The following PDK1 variants were observed in gnomAD, a reference collection of about 807,000 sequenced individuals.
PDK1 encodes pyruvate dehydrogenase kinase 1, also known as [Pyruvate dehydrogenase (acetyl-transferring)] kinase isozyme 1, mitochondrial.
Under a neutral mutation model 54.2 loss-of-function variants are expected in PDK1, and 39 were observed. That is an observed-to-expected ratio of 0.72 (90% CI 0.56 to 0.94). The LOEUF is 0.94. Ranked by LOEUF, PDK1 falls within the 40% of genes least tolerant of loss-of-function variation. The pLI is 0.00. For synonymous variants in PDK1, 221 were observed against 207.1 expected (o/e 1.07, Z -0.58); for missense variants, 552 against 566.0 (o/e 0.98, Z 0.25).
the PDK1 span, among the ~76,000 whole-genome samples, chr2:172,620,999 G>A: frequency 3.9e-5 from 6 of 152,158 alleles, no homozygotes; most frequent in Non-Finnish European, 7.3e-5. Context: ...GAACATGTCG[G>A]CTGGGCACGG....
chr2:172,696,185 A>AG, the PDK1 span, among the ~76,000 whole-genome samples: 4 of 151,356 alleles, frequency 2.6e-5, no homozygotes, highest in East Asian at 1.9e-4. Flanking sequence ...AAAAAAAAAA[A>AG]AAAGAAAAAA....
chr2:172,571,823 CTTTTT>C (rs36031428), intron 8 of PDK1, among the ~76,000 whole-genome samples: 3 of 99,798 alleles, frequency 3.0e-5, no homozygotes, highest in Non-Finnish European at 4.1e-5. Flanking sequence ...TCTTTCTTTA[CTTTTT>C]TTTTTTTTTT....
At chr2:172,687,867 T>G in the PDK1 span, among the ~76,000 whole-genome samples, 7 of 152,220 alleles carry the variant, frequency 4.6e-5, no homozygotes, top group Non-Finnish European at 1.0e-4. Flanking sequence ...TCTTGCCTGC[T>G]GCCCACTGAA....
At chr2:172,683,554 A>G in the PDK1 span, among the ~76,000 whole-genome samples, 2 of 152,128 alleles carry the variant, frequency 1.3e-5, no homozygotes, top group Admixed American at 1.3e-4. Flanking sequence ...TGAGATGTTA[A>G]TTCATCTCCA....
intron 1 of PDK1, among the ~76,000 whole-genome samples, chr2:172,557,986 C>T (rs899278922): frequency 2.0e-5 from 3 of 151,370 alleles, no homozygotes; most frequent in Non-Finnish European, 2.9e-5. Context: ...CAAGCACCAC[C>T]ACGCCCGGCT....
In PDK1 at chr2:172,565,016, C is replaced by T. The variant is rs765375518; in HGVS notation, c.634C>T (p.His212Tyr). Residue 212 changes from histidine to tyrosine, a missense_variant, in exon 5 of 11, where the codon CAT becomes TAT. By Grantham distance (83) the His-to-Tyr change is moderately conservative. Coordinates refer to ENST00000282077, the MANE Select transcript of PDK1 (RefSeq NM_002610.5). ...TGGAAAAGGCAAAGGAAGTCCATCT[C>T]ATCGAAAACACATTGGAAGCATAAA... ...FGGKGKGSPSHRKHIGSINPN... is the reference protein window; with the variant it reads ...FGGKGKGSPSYRKHIGSINPN... The T allele has an allele frequency of 1.2e-6, 2 of 1,612,980 alleles. No individual in the cohort carries two copies. Among genetic ancestry groups the T allele is most frequent in the Non-Finnish European group, 1.7e-6 (2 of 1,179,146 alleles).
At chr2:172,694,668 G>A in the PDK1 span, among the ~76,000 whole-genome samples, 18 of 152,312 alleles carry the variant, frequency 1.2e-4, no homozygotes, top group East Asian at 1.9e-4. Flanking sequence ...ACCTTGCACC[G>A]TGAACTGCAG....
the PDK1 span, among the ~76,000 whole-genome samples, chr2:172,634,772 CAAAAA>C: frequency 1.5e-5 from 2 of 129,746 alleles, no homozygotes; most frequent in African/African-American, 2.9e-5. Flanking sequence ...TCTTAAAATG[CAAAAA>C]AAAAAAAAAA....
intron 3 of PDK1, chr2:172,562,710 G>A: frequency 8.4e-7 from 1 of 1,190,162 alleles, no homozygotes; most frequent in Non-Finnish European, 1.3e-6. Context: ...TGAAAGATTG[G>A]TAACTAATTA....
At chr2:172,650,429 C>T in the PDK1 span, among the ~76,000 whole-genome samples, 34 of 152,272 alleles carry the variant, frequency 2.2e-4, 1 homozygote, top group African/African-American at 7.7e-4. Flanking sequence ...CATCAACTAA[C>T]GAGCAAAATA....
At chr2:172,626,023 A>G in the PDK1 span, among the ~76,000 whole-genome samples, 1 of 152,226 alleles carries the variant, frequency 6.6e-6, no homozygotes, top group Non-Finnish European at 1.5e-5. Context: ...GAAATCTTTC[A>G]AAATCTTTCA....
chr2:172,580,077 A>AT (rs34421752), intron 8 of PDK1, among the ~76,000 whole-genome samples: 52,117 of 150,564 alleles, frequency 0.35, 11,243 homozygotes, highest in East Asian at 0.77. Flanking sequence ...TAAGGATATT[A>AT]TTTTTTTTTA....
chr2:172,564,657 A>T lies in PDK1; in HGVS notation c.565A>T (p.Ile189Phe). Residue 189 changes from isoleucine (I) to phenylalanine (F), a missense_variant, in exon 4 of 11, where the codon ATT becomes TTT. Ile to Phe is a conservative substitution (Grantham distance 21). Coordinates refer to ENST00000282077, the MANE Select transcript of PDK1 (RefSeq NM_002610.5). ...YFLDRFYMSR[I>F]SIRMLLNQHS... is the part of the protein sequence containing the mutation. ...TTTGGATCGATTCTACATGAGTCGC[A>T]TTTCAATTAGAATGTTACTCAATCA... 1 of 1,614,132 alleles carries T rather than the reference A, an allele frequency of 6.2e-7. No individual in the cohort carries two copies. Among genetic ancestry groups the T allele is most frequent in the Non-Finnish European group, 8.5e-7 (1 of 1,179,988 alleles).
At chr2:172,722,430 C>T in the PDK1 span, among the ~76,000 whole-genome samples, 1 of 152,240 alleles carries the variant, frequency 6.6e-6, no homozygotes, top group Non-Finnish European at 1.5e-5. Flanking sequence ...GTAGGTCATT[C>T]ACAAGAAACA....
At chr2:172,654,151 A>G in the PDK1 span, among the ~76,000 whole-genome samples, 228 of 152,356 alleles carry the variant, frequency 1.5e-3, 2 homozygotes, top group African/African-American at 5.2e-3. Context: ...AGAAATAGGA[A>G]TGCTTTTACA....
chr2:172,628,311 A>G, the PDK1 span, among the ~76,000 whole-genome samples: 2 of 152,212 alleles, frequency 1.3e-5, no homozygotes, highest in African/African-American at 4.8e-5. Flanking sequence ...TTCTGTTGCA[A>G]ACCACCATGT....
chr2:172,692,249 T>C, the PDK1 span, among the ~76,000 whole-genome samples: 1 of 152,202 alleles, frequency 6.6e-6, no homozygotes, highest in Admixed American at 6.5e-5. Flanking sequence ...CTTTATACCA[T>C]ATATAAATTA....
chr2:172,678,515 T>G, the PDK1 span, among the ~76,000 whole-genome samples: 2 of 152,176 alleles, frequency 1.3e-5, no homozygotes, highest in African/African-American at 4.8e-5. Flanking sequence ...GCTTATGCAT[T>G]ATATTAAAAT....
At chr2:172,567,859 C>G (rs73980435) in intron 6 of PDK1, among the ~76,000 whole-genome samples, 3,179 of 152,290 alleles carry the variant, frequency 0.021, 79 homozygotes, top group African/African-American at 0.057. Context: ...TACTAAATGT[C>G]TGTTTTATAC....
Sources: allele counts gnomAD v4.1 joint callset (sites outside exome capture counted in the v4.1 genomes callset), GRCh38; gene constraint gnomAD v4.1.1; transcripts MANE v1.5; gene names NCBI Gene and HGNC (gene_info 2026-07-23, HGNC 2026-07-21).